Variants in CNBD1 observed in about 807,000 individuals in gnomAD.
CNBD1 encodes cyclic nucleotide binding domain containing 1.
In CNBD1, 71 loss-of-function variants were observed where a neutral mutation model predicts 54.4. The observed-to-expected ratio is 1.30, with a 90% CI of 1.08 to 1.59. CNBD1 has a LOEUF of 1.59. CNBD1 is among the 40% of genes most tolerant of loss of function. The pLI, the probability that CNBD1 is intolerant of heterozygous loss-of-function variation, is 0.00. For synonymous variants in CNBD1, 182 were observed against 170.7 expected, an observed-to-expected ratio of 1.07 and a Z score of -0.51; for missense variants, 659 against 518.0, an observed-to-expected ratio of 1.27 and a Z score of -2.64.
At chr8:87,288,583 A>G (rs1808735732) in intron 8 of CNBD1, among the ~76,000 whole-genome samples, 1 of 152,108 alleles carries the variant, frequency 6.6e-6, no homozygotes, top group Non-Finnish European at 1.5e-5. Context: ...TAAAATATCA[A>G]TCAAAAGTAC....
chr8:87,307,410 G>T (rs1809178368), intron 8 of CNBD1, among the ~76,000 whole-genome samples: 1 of 152,118 alleles, frequency 6.6e-6, no homozygotes, highest in Admixed American at 6.5e-5. Context: ...ATGGAATCTG[G>T]TTAGGAAATT....
chr8:87,316,963 A>G (rs1279798666), intron 8 of CNBD1, among the ~76,000 whole-genome samples: 1 of 151,750 alleles, frequency 6.6e-6, no homozygotes, highest in Non-Finnish European at 1.5e-5. Context: ...TTTGAAGTCT[A>G]GTTGTATTAT....
chr8:87,426,619 G>T (rs1420525426), intron 2 of CNBD1, among the ~76,000 whole-genome samples: 2 of 152,106 alleles, frequency 1.3e-5, no homozygotes, highest in Non-Finnish European at 2.9e-5. Context: ...AATGCCAATT[G>T]CTTAATTTTC....
intron 4 of CNBD1, among the ~76,000 whole-genome samples, chr8:86,948,439 A>C (rs958991777): frequency 2.6e-5 from 4 of 152,080 alleles, no homozygotes; most frequent in Non-Finnish European, 4.4e-5. Flanking sequence ...TATCTTTTGG[A>C]TATAAACCAT....
At chr8:86,928,696 C>T (rs11776049) in intron 3 of CNBD1, among the ~76,000 whole-genome samples, 22 of 152,148 alleles carry the variant, frequency 1.4e-4, no homozygotes, top group South Asian at 2.1e-4. Flanking sequence ...CAGTTGTCTC[C>T]GGGATAGTGC....
At chr8:87,414,938 C>A (rs1435229484) in intron 2 of CNBD1, among the ~76,000 whole-genome samples, 9 of 152,046 alleles carry the variant, frequency 5.9e-5, no homozygotes. Context: ...TGACCTGGAA[C>A]TGTTATTCCC....
intron 4 of CNBD1, among the ~76,000 whole-genome samples, chr8:86,990,205 A>G (rs1808715004): frequency 6.6e-6 from 1 of 151,994 alleles, no homozygotes; most frequent in Non-Finnish European, 1.5e-5. Context: ...ATAACTTGAC[A>G]TTATTTCATT....
intron 10 of CNBD1, among the ~76,000 whole-genome samples, chr8:87,366,020 T>C (rs1186662258): frequency 6.6e-6 from 1 of 152,064 alleles, no homozygotes; most frequent in East Asian, 1.9e-4. Context: ...GTTGGGATAA[T>C]AATAAATCTA....
chr8:87,264,374 A>C (rs1308107431), intron 6 of CNBD1, among the ~76,000 whole-genome samples: 1 of 152,170 alleles, frequency 6.6e-6, no homozygotes, highest in Non-Finnish European at 1.5e-5. Context: ...TATATGTGCC[A>C]CATTTTCTTA....
chr8:86,892,776 C>G (rs1191963469), intron 2 of CNBD1, among the ~76,000 whole-genome samples: 1 of 152,046 alleles, frequency 6.6e-6, no homozygotes, highest in Non-Finnish European at 1.5e-5. Context: ...AAATATCTTA[C>G]TTTCCTTTTT....
rs7846501 is a variant in CNBD1, at chr8:87,054,162, G to A, written c.431+114408G>A. ...TAGATTTTGGACAAAGGACTAATAA[G>A]TCTCCCCAGGGAAAAATCCCATCTG... On this transcript the variant is annotated intron_variant, in intron 4 of 10. Coordinates refer to ENST00000518476, the MANE Select transcript of CNBD1 (RefSeq NM_173538.3). Among the ~76,000 whole-genome samples the A allele has an allele frequency of 3.9e-3, 591 of 152,318 alleles. 6 individuals are homozygous for A. The highest frequency in any genetic ancestry group is 0.013 in the African/African-American group (560 of 41,576).
chr8:87,301,312 T>C (rs557226019), intron 8 of CNBD1, among the ~76,000 whole-genome samples: 2 of 152,094 alleles, frequency 1.3e-5, no homozygotes, highest in East Asian at 3.9e-4. Flanking sequence ...TACCACAAGA[T>C]AGAGAAAGAA....
At chr8:87,333,502 G>C (rs1023245907) in intron 8 of CNBD1, among the ~76,000 whole-genome samples, 1 of 152,112 alleles carries the variant, frequency 6.6e-6, no homozygotes, top group African/African-American at 2.4e-5. Context: ...TATGATATTG[G>C]CTGTGGGTTT....
At chr8:87,115,459 T>A (rs1043266047) in intron 4 of CNBD1, among the ~76,000 whole-genome samples, 3 of 152,186 alleles carry the variant, frequency 2.0e-5, no homozygotes, top group African/African-American at 7.2e-5. Context: ...ATTACATAAA[T>A]AAGAATGAAA....
chr8:87,380,092 G>A (rs1199817151), intron 10 of CNBD1, among the ~76,000 whole-genome samples: 1 of 151,852 alleles, frequency 6.6e-6, no homozygotes, highest in South Asian at 2.1e-4. Flanking sequence ...CCAAATATCT[G>A]TGTTTGCTTA....
intron 3 of CNBD1, among the ~76,000 whole-genome samples, chr8:86,930,066 T>G (rs901654767): frequency 6.6e-6 from 1 of 152,180 alleles, no homozygotes; most frequent in African/African-American, 2.4e-5. Flanking sequence ...TTCTCCTAGA[T>G]GAGTATTTGC....
chr8:87,000,102 C>T (rs916078191), intron 4 of CNBD1, among the ~76,000 whole-genome samples: 2 of 152,040 alleles, frequency 1.3e-5, no homozygotes, highest in African/African-American at 2.4e-5. Flanking sequence ...GGCTCTGTGT[C>T]CCCATCCAAA....
intron 4 of CNBD1, among the ~76,000 whole-genome samples, chr8:86,963,453 G>A (rs759366719): frequency 2.0e-5 from 3 of 152,154 alleles, no homozygotes; most frequent in Non-Finnish European, 4.4e-5. Flanking sequence ...AGAAAAAGGT[G>A]CCTCAGGGGG....
intron 2 of CNBD1, among the ~76,000 whole-genome samples, chr8:87,392,495 A>G (rs967771535): frequency 6.6e-6 from 1 of 152,082 alleles, no homozygotes; most frequent in East Asian, 1.9e-4. Flanking sequence ...AAGTCCTGAT[A>G]CATGAAATAA....
Sources: allele counts gnomAD v4.1 joint callset (sites outside exome capture counted in the v4.1 genomes callset), GRCh38; gene constraint gnomAD v4.1.1; transcripts MANE v1.5; gene names NCBI Gene and HGNC (gene_info 2026-07-23, HGNC 2026-07-21).